INTS7: variants seen among roughly 807,000 people sequenced by gnomAD.
INTS7 encodes chromosome 1 open reading frame 73.
Under a neutral mutation model 109.2 loss-of-function variants are expected in INTS7, and 46 were observed. That is an observed-to-expected ratio of 0.42 (90% CI 0.33 to 0.54). The LOEUF (loss-of-function observed/expected upper bound fraction) is 0.54, where lower values mean the gene tolerates loss of function less well. Ranked by LOEUF, INTS7 falls within the 20% of genes least tolerant of loss-of-function variation. The pLI is 0.07. For missense variants in INTS7, 929 were observed against 1,132.4 expected (o/e 0.82, Z 2.58); for synonymous variants, 412 against 402.9 (o/e 1.02, Z -0.27).
At chr1:211,945,002 A>C (rs773831727) in intron 18 of INTS7, 33 bp from the exon 19 acceptor site, 7 of 1,602,830 alleles carry the variant, frequency 4.4e-6, no homozygotes, top group Non-Finnish European at 8.5e-7. Context: ...AATGCCAACA[A>C]CCAAGAGCAA....
chr1:211,952,487 T>C, intron 17 of INTS7, 82 bp downstream of exon 17: 1 of 1,403,558 alleles, frequency 7.1e-7, no homozygotes, highest in South Asian at 1.3e-5. Context: ...GTTAATTTGT[T>C]GAACTCACAC....
chr1:212,010,834 A>G (rs1666136301), intron 5 of INTS7, among the ~76,000 whole-genome samples: 1 of 152,150 alleles, frequency 6.6e-6, no homozygotes, highest in South Asian at 2.1e-4. Context: ...GGTTTATTTA[A>G]GTACACTCTA....
At chr1:212,020,856 T>A in intron 2 of INTS7, 2 of 607,950 alleles carry the variant, frequency 3.3e-6, no homozygotes, top group Non-Finnish European at 4.7e-6. Flanking sequence ...AAGGTTGTCT[T>A]AATTTTATTC....
At position 212,020,145 on chromosome 1, in the gene INTS7, A is replaced by G; in HGVS notation, c.348T>C (p.Pro116=). 6.2e-7 allele frequency: 1 copy of G among 1,605,442 alleles called. No individual in the cohort carries two copies. Among genetic ancestry groups the G allele is most frequent in the Non-Finnish European group, 8.5e-7 (1 of 1,175,580 alleles). The change falls in exon 3 of 20, where the codon CCT becomes CCC. Residue 116 remains proline, a synonymous_variant. Transcript: ENST00000366994. ...ACCGGAGGGTGATGGCTCTTGCCAC[A>G]GGATCATTACTATGAATCACAGAAA... ...RIFSVIHSND[P]VARAITLRML... is the part of the protein sequence containing the mutation.
At chr1:211,945,670 CTCTGT>C (rs1465231892) in intron 18 of INTS7, among the ~76,000 whole-genome samples, 1 of 152,174 alleles carries the variant, frequency 6.6e-6, no homozygotes, top group Admixed American at 6.5e-5. Flanking sequence ...AAATGGAATG[CTCTGT>C]TATTTGTAAT....
chr1:212,008,795 T>C (rs559336978), intron 5 of INTS7, among the ~76,000 whole-genome samples: 1 of 152,210 alleles, frequency 6.6e-6, no homozygotes. Context: ...AAGGATTCTA[T>C]CACATCCCAT....
intron 15 of INTS7, among the ~76,000 whole-genome samples, chr1:211,967,126 A>C (rs1409150925): frequency 1.3e-5 from 2 of 152,152 alleles, no homozygotes; most frequent in African/African-American, 4.8e-5. Context: ...AAGTGATTTG[A>C]AGTTGCTAAT....
At chr1:212,007,611 A>G (rs1252756260) in intron 5 of INTS7, among the ~76,000 whole-genome samples, 162 bp from the exon 6 acceptor site, 2 of 152,204 alleles carry the variant, frequency 1.3e-5, no homozygotes, top group Non-Finnish European at 2.9e-5. Flanking sequence ...GATAAATTCA[A>G]TATTTTTTCC....
At chr1:211,954,327 T>G (rs1321490158) in intron 16 of INTS7, among the ~76,000 whole-genome samples, 1 of 152,206 alleles carries the variant, frequency 6.6e-6, no homozygotes, top group African/African-American at 2.4e-5. Context: ...TTGCGAAAAT[T>G]TTCTCCCATT....
At chr1:211,961,430 CTT>C (rs768933469) in intron 16 of INTS7, among the ~76,000 whole-genome samples, 5 of 143,752 alleles carry the variant, frequency 3.5e-5, no homozygotes, top group Non-Finnish European at 3.1e-5. Context: ...ATATTCAATT[CTT>C]TTTTTTTTTT....
chr1:211,997,638 G>A (rs866134734), intron 7 of INTS7, among the ~76,000 whole-genome samples: 2 of 151,432 alleles, frequency 1.3e-5, no homozygotes, highest in African/African-American at 2.4e-5. Flanking sequence ...CAGCACTTTC[G>A]GAGGCTGAGA....
At chr1:212,018,475 A>G (rs1666539002) in intron 3 of INTS7, among the ~76,000 whole-genome samples, 1 of 149,398 alleles carries the variant, frequency 6.7e-6, no homozygotes, top group African/African-American at 2.5e-5. Context: ...CACCAGTTAA[A>G]TTCTATTCTT....
chr1:211,964,077 A>G (rs1461618140), intron 16 of INTS7, among the ~76,000 whole-genome samples: 3 of 152,116 alleles, frequency 2.0e-5, no homozygotes, highest in Admixed American at 6.6e-5. Flanking sequence ...ACATGATACT[A>G]TATCTAGGAA....
intron 7 of INTS7, among the ~76,000 whole-genome samples, chr1:212,003,740 A>C (rs1432513821): frequency 2.0e-5 from 3 of 152,258 alleles, no homozygotes; most frequent in Non-Finnish European, 4.4e-5. Context: ...GACTTTTAGC[A>C]GAATTAACTT....
chr1:211,993,553 G>T (rs1468772390), intron 7 of INTS7, among the ~76,000 whole-genome samples: 1 of 151,784 alleles, frequency 6.6e-6, no homozygotes, highest in Non-Finnish European at 1.5e-5. Flanking sequence ...GGTGGCAGGC[G>T]CCTGTAATCC....
At position 212,011,442 on chromosome 1, in the gene INTS7, GAACAGAA is replaced by G. The variant is rs370465120; in HGVS notation, c.510-28_510-22del. ...AATCCCTTTGGAAAAAGAGAACAGA[GAACAGAA>G]AAAACTTACATTTGCTTATATTTTC... On this transcript the variant is annotated intron_variant, in intron 4 of 19. Transcript: ENST00000366994. 1,631 of 1,518,144 alleles carry G rather than the reference GAACAGAA, an allele frequency of 1.1e-3. 9 individuals carry two copies. In the African/African-American group the frequency reaches 0.019, roughly 18 times the overall value. 94.0% of individuals were successfully genotyped at this position (1,518,144 alleles called of 1,614,324 possible).
At chr1:212,000,080 G>A (rs1665593590) in intron 7 of INTS7, among the ~76,000 whole-genome samples, 1 of 151,898 alleles carries the variant, frequency 6.6e-6, no homozygotes, top group Admixed American at 6.6e-5. Context: ...ACTCCAGCCT[G>A]GGCAACACAG....
At position 212,035,506 on chromosome 1, in the gene INTS7, C is replaced by T. The variant is rs1400229612; in HGVS notation, c.-69G>A. On this transcript the variant is annotated 5_prime_UTR_variant, in exon 1 of 20. Transcript: ENST00000366994. ...ACTCTACCCCAGGACCGCCATCTTC[C>T]CCCGCCGCCTTCTTGCTGGTTTTTC... The T allele has an allele frequency of 5.2e-6, 6 of 1,156,696 alleles. No homozygotes were observed. Among genetic ancestry groups the T allele is most frequent in the Non-Finnish European group, 7.8e-6 (6 of 765,332 alleles). 71.7% of individuals were successfully genotyped at this position (1,156,696 alleles called of 1,614,324 possible). A position where few individuals can be genotyped will look rare whatever the true frequency, so the allele number is the denominator to read the frequency against.
chr1:211,975,107 A>T, intron 13 of INTS7, 59 bp downstream of exon 13: 1 of 1,193,078 alleles, frequency 8.4e-7, no homozygotes, highest in Non-Finnish European at 1.2e-6. Flanking sequence ...ATCCAAAAAG[A>T]GAAGGGAGAG....
Sources: allele counts gnomAD v4.1 joint callset (sites outside exome capture counted in the v4.1 genomes callset), GRCh38; gene constraint gnomAD v4.1.1; transcripts MANE v1.5; gene names NCBI Gene and HGNC (gene_info 2026-07-23, HGNC 2026-07-21).